Variants in UACA observed in about 807,000 individuals in gnomAD.
UACA encodes the protein nuclear membrane binding protein.
UACA carries 112 observed loss-of-function variants against 160.5 expected under a neutral mutation model. That is an observed-to-expected ratio of 0.70 (90% confidence interval 0.60 to 0.82). The LOEUF is 0.82. UACA is among the 40% of genes least tolerant of loss of function. The pLI, the probability that UACA is intolerant of heterozygous loss-of-function variation, is 0.00. For synonymous variants in UACA, 557 were observed against 568.4 expected (o/e 0.98, Z 0.29); for missense variants, 1,574 against 1,614.6 (o/e 0.97, Z 0.43).
intron 1 of UACA, among the ~76,000 whole-genome samples, chr15:70,727,250 AT>A (rs1899173050): frequency 6.6e-6 from 1 of 152,214 alleles, no homozygotes. Flanking sequence ...TCCCTGGCAT[AT>A]TTTGGGGAGA....
Position 70,676,535 on chromosome 15 carries a change from T to C in UACA, c.1089A>G (p.Leu363=). 6.2e-7 allele frequency: 1 copy of C among 1,612,904 alleles called. No individual in the cohort carries two copies. Among genetic ancestry groups the C allele is most frequent in the Admixed American group, 1.7e-5 (1 of 60,012 alleles). Residue 363 remains leucine, a synonymous_variant, in exon 13 of 19, where the codon TTA becomes TTG. Transcript: ENST00000322954. ...TATTTTTCAGAGCCTCAATAGTCCT[T>C]AAGCTTTCTTCATGTTGCTTTTCTT... is the stretch of plus-strand genomic sequence containing the variant. ...AAKEKQHEES[L]RTIEALKNRF...
At chr15:70,737,368 T>C (rs1899401123) in intron 1 of UACA, among the ~76,000 whole-genome samples, 1 of 152,234 alleles carries the variant, frequency 6.6e-6, no homozygotes, top group Admixed American at 6.5e-5. Context: ...TATTAAATTC[T>C]AACAAGTTTT....
chr15:70,678,799 A>G (rs918145279), intron 10 of UACA, among the ~76,000 whole-genome samples: 8 of 152,206 alleles, frequency 5.3e-5, no homozygotes, highest in Non-Finnish European at 1.2e-4. Flanking sequence ...TTTGACCAAT[A>G]TAAAAGCCAA....
chr15:70,778,503 T>C, the UACA span, among the ~76,000 whole-genome samples: 2 of 152,204 alleles, frequency 1.3e-5, no homozygotes, highest in African/African-American at 4.8e-5. Flanking sequence ...TGACCATGTT[T>C]CCACAGTCAC....
At chr15:70,751,700 C>A (rs1264952450) in intron 1 of UACA, among the ~76,000 whole-genome samples, 1 of 152,184 alleles carries the variant, frequency 6.6e-6, no homozygotes, top group Admixed American at 6.5e-5. Context: ...CCTGTATCAT[C>A]AATGTGCTAA....
At chr15:70,678,296 C>G (rs777146433) in intron 10 of UACA, 90 bp from the exon 11 acceptor site, 7 of 703,372 alleles carry the variant, frequency 1.0e-5, no homozygotes, top group East Asian at 2.6e-5. Flanking sequence ...CACTACCATA[C>G]AGGTACATAC....
At chr15:70,768,821 A>C in the UACA span, among the ~76,000 whole-genome samples, 1 of 152,208 alleles carries the variant, frequency 6.6e-6, no homozygotes, top group Admixed American at 6.5e-5. Context: ...TTAAACTTAA[A>C]ATATGGCAGA....
intron 1 of UACA, 123 bp from the exon 2 acceptor site, chr15:70,699,783 T>C (rs1898274993): frequency 9.2e-7 from 1 of 1,086,170 alleles, no homozygotes; most frequent in Non-Finnish European, 1.3e-6. Context: ...TCCAGTTGCA[T>C]TCCAAATTTC....
chr15:70,678,951 A>G (rs757087311), intron 10 of UACA, among the ~76,000 whole-genome samples: 1 of 152,206 alleles, frequency 6.6e-6, no homozygotes, highest in Non-Finnish European at 1.5e-5. Context: ...TGTATGGTTT[A>G]CATCACAAAA....
intron 1 of UACA, among the ~76,000 whole-genome samples, chr15:70,728,137 T>C (rs1403492747): frequency 6.6e-6 from 1 of 152,212 alleles, no homozygotes; most frequent in Admixed American, 6.5e-5. Context: ...AAGGACTTCC[T>C]ATTCATTAAA....
intron 1 of UACA, among the ~76,000 whole-genome samples, chr15:70,742,761 T>C (rs1358870515): frequency 6.6e-6 from 1 of 152,234 alleles, no homozygotes; most frequent in Non-Finnish European, 1.5e-5. Flanking sequence ...TATTTTGTTT[T>C]TTTCACTCAT....
chr15:70,683,876 G>C (rs1045103893), intron 8 of UACA, among the ~76,000 whole-genome samples: 2 of 151,106 alleles, frequency 1.3e-5, no homozygotes, highest in Admixed American at 1.3e-4. Flanking sequence ...ATAGGCATTT[G>C]GTAAATATCA....
chr15:70,659,255 G>A (rs1208277859), intron 18 of UACA, among the ~76,000 whole-genome samples: 2 of 151,956 alleles, frequency 1.3e-5, no homozygotes, highest in Non-Finnish European at 2.9e-5. Flanking sequence ...TCCTATAGAA[G>A]AGGCAGGTCT....
chr15:70,695,178 C>T, intron 2 of UACA, 73 bp from the exon 3 acceptor site: 2 of 1,072,646 alleles, frequency 1.9e-6, no homozygotes, highest in Non-Finnish European at 2.7e-6. Context: ...ATTAATGTCA[C>T]CCTTTTTCAA....
At chr15:70,696,664 A>T (rs922578931) in intron 2 of UACA, among the ~76,000 whole-genome samples, 1 of 152,198 alleles carries the variant, frequency 6.6e-6, no homozygotes, top group Non-Finnish European at 1.5e-5. Flanking sequence ...TTAAATCGCT[A>T]TAAGGCTGAG....
At position 70,668,131 on chromosome 15, in the gene UACA, C is replaced by T. The variant is rs751208406; in HGVS notation, c.2553G>A (p.Leu851=). Residue 851 remains leucine (L), a synonymous_variant, in exon 16 of 19, where the codon TTG becomes TTA. Coordinates refer to ENST00000322954, the MANE Select transcript of UACA (RefSeq NM_018003.4). ...CATACTGATTACTCATCATCTTCTT[C>T]AAGTTAGTGTTTTCAGATGTGAGAG... ...IHALTSENTN[L]KKMMSNQYVP... 1 of 1,613,600 alleles carries T rather than the reference C, an allele frequency of 6.2e-7. No individual in the cohort carries two copies. Among genetic ancestry groups the T allele is most frequent in the Non-Finnish European group, 8.5e-7 (1 of 1,179,900 alleles).
intron 17 of UACA, chr15:70,660,921 A>G (rs1445694184): frequency 6.6e-6 from 1 of 152,166 alleles, no homozygotes; most frequent in East Asian, 1.9e-4. Flanking sequence ...ATTACTCTTT[A>G]TCACAGGTAT....
intron 3 of UACA, among the ~76,000 whole-genome samples, chr15:70,694,448 A>C (rs1252868837): frequency 6.6e-6 from 1 of 152,146 alleles, no homozygotes; most frequent in Non-Finnish European, 1.5e-5. Context: ...GTTCCTTATG[A>C]GGCATAATGG....
intron 9 of UACA, 97 bp from the exon 10 acceptor site, chr15:70,679,773 GT>G: frequency 1.4e-6 from 1 of 705,136 alleles, no homozygotes; most frequent in East Asian, 3.1e-5. Context: ...GTGATTTTCA[GT>G]TTATCCAACA....
Sources: allele counts gnomAD v4.1 joint callset (sites outside exome capture counted in the v4.1 genomes callset), GRCh38; gene constraint gnomAD v4.1.1; transcripts MANE v1.5; gene names NCBI Gene and HGNC (gene_info 2026-07-23, HGNC 2026-07-21).